Variants in GPR20 observed in about 807,000 individuals in gnomAD.
GPR20 encodes the protein G protein-coupled receptor 20, also known as CTD-3064M3.3.
For synonymous variants in GPR20, 241 were observed against 241.9 expected, an observed-to-expected ratio of 1.00 and a Z score of 0.04; for missense variants, 494 against 527.4, an observed-to-expected ratio of 0.94 and a Z score of 0.62.
At chr8:141,366,493 C>A (rs898725390) in intron 1 of GPR20, among the ~76,000 whole-genome samples, 1 of 152,250 alleles carries the variant, frequency 6.6e-6, no homozygotes, top group Non-Finnish European at 1.5e-5. Context: ...CTTCTCACAG[C>A]GCAGTCCCAG....
intron 1 of GPR20, among the ~76,000 whole-genome samples, chr8:141,363,386 C>G (rs1831767959): frequency 6.6e-6 from 1 of 152,278 alleles, no homozygotes; most frequent in Non-Finnish European, 1.5e-5. Context: ...CAGGACTTCT[C>G]AGAGCCTTTG....
chr8:141,357,885 T>C lies in GPR20; in HGVS notation c.39A>G (p.Ala13=), dbSNP rs1409081091. 8 of 1,595,866 alleles carry C rather than the reference T, an allele frequency of 5.0e-6. No individual in the cohort carries two copies. Among genetic ancestry groups the C allele is most frequent in the Non-Finnish European group, 6.8e-6 (8 of 1,169,170 alleles). Residue 13 remains alanine, a synonymous_variant, in exon 2 of 2, where the codon GCA becomes GCG. Transcript: ENST00000377741. ...SVSPAGPSAG[A]VPNATAVTTV... ...TTGTCACTGCGGTGGCATTGGGGAC[T>C]GCCCCGGCCGAGGGCCCCGCTGGAG...
intron 1 of GPR20, among the ~76,000 whole-genome samples, chr8:141,361,006 G>A (rs1169995337): frequency 6.6e-6 from 1 of 152,228 alleles, no homozygotes; most frequent in African/African-American, 2.4e-5. Flanking sequence ...CCAAACCTGG[G>A]TGTGGGGGAG....
At chr8:141,365,954 G>A (rs535359103) in intron 1 of GPR20, among the ~76,000 whole-genome samples, 1 of 152,190 alleles carries the variant, frequency 6.6e-6, no homozygotes, top group African/African-American at 2.4e-5. Context: ...GTGCCTCAGG[G>A]GCCCTGGCCT....
rs149500874 is a variant in GPR20 at position 141,357,899 on chromosome 8, G to T, written c.25C>A (p.Pro9Thr). 12 of 1,576,354 alleles carry T rather than the reference G, an allele frequency of 7.6e-6. No homozygotes were observed. The African/African-American group carries it at 8.1e-5, about 11-fold the overall frequency. MPSVSPAG[P>T]SAGAVPNATA... ...GCATTGGGGACTGCCCCGGCCGAGGGCCCCGCTGGAGACACAGAGGGCATG... is the reference window on the plus strand; with the variant it reads ...GCATTGGGGACTGCCCCGGCCGAGGTCCCCGCTGGAGACACAGAGGGCATG... The change falls in exon 2 of 2, where the codon CCC becomes ACC. Residue 9 changes from proline to threonine, a missense_variant. Transcript: ENST00000377741.
chr8:141,357,408 G>A lies in GPR20; in HGVS notation c.516C>T (p.Ala172=), dbSNP rs1831664024. The stretch of plus-strand genomic sequence containing the variant: ...CGGCACCGGCGGCCAGCCACACGAA[G>A]GCGCACACGGCCCTGGCACAGGCAG... ...RQPACARAVC[A]FVWLAAGAVT... is the part of the protein sequence containing the mutation. The change falls in exon 2 of 2, where the codon GCC becomes GCT. Residue 172 remains alanine (A), a synonymous_variant. Transcript: ENST00000377741. The A allele has an allele frequency of 6.3e-7, 1 of 1,599,722 alleles. No individual in the cohort carries two copies. The highest frequency in any genetic ancestry group is 8.5e-7 in the Non-Finnish European group (1 of 1,174,942).
Position 141,357,239 on chromosome 8 carries a change from G to A in GPR20, c.685C>T (p.Leu229Phe), listed in dbSNP as rs1185802664. The A allele has an allele frequency of 6.5e-7, 1 of 1,548,832 alleles. No homozygotes were observed. Among genetic ancestry groups the A allele is most frequent in the Non-Finnish European group, 8.7e-7 (1 of 1,150,822 alleles). ...IMCALSRPGL[L>F]HQGRQRRVRA... Reference sequence around the variant, plus strand: ...ACGCGGCGCTGGCGACCCTGGTGGAGCAGACCCGGCCGCGACAGTGCACAC... The same window carrying A: ...ACGCGGCGCTGGCGACCCTGGTGGAACAGACCCGGCCGCGACAGTGCACAC... Residue 229 changes from leucine (L) to phenylalanine (F), a missense_variant, in exon 2 of 2, where the codon CTC becomes TTC. Physicochemically the swap from Leu to Phe is conservative, Grantham distance 22. Transcript: ENST00000377741.
At chr8:141,358,922 G>C (rs1831693446) in intron 1 of GPR20, among the ~76,000 whole-genome samples, 2 of 152,030 alleles carry the variant, frequency 1.3e-5, no homozygotes, top group Non-Finnish European at 2.9e-5. Flanking sequence ...GTGGGGGGCG[G>C]GCGAGGGGCT....
chr8:141,357,165 G>A lies in GPR20; in HGVS notation c.759C>T (p.Cys253=). The change falls in exon 2 of 2, where the codon TGC becomes TGT. Residue 253 remains cysteine (C), a synonymous_variant. Transcript: ENST00000377741. ...CTTGGCGGGCGTGGAAGGGCGTGAA[G>A]CAGACGAGAAAGATGATGAGCACCG... is the stretch of plus-strand genomic sequence containing the variant. The part of the protein sequence containing the change: ...LLTVLIIFLV[C]FTPFHARQVA... 2 of 1,606,974 alleles carry A rather than the reference G, an allele frequency of 1.2e-6. No homozygotes were observed. Among genetic ancestry groups the A allele is most frequent in the Non-Finnish European group, 1.7e-6 (2 of 1,178,690 alleles).
Position 141,357,093 on chromosome 8 carries a change from C to T in GPR20, c.831G>A (p.Val277=), listed in dbSNP as rs1388200602. ...WPDMPHHTSL[V]VYHVAVTLSS... ...TGAGGGTCACGGCCACGTGGTAGAC[C>T]ACGAGGCTCGTGTGGTGTGGCATGT... Residue 277 remains valine, a synonymous_variant, in exon 2 of 2, where the codon GTG becomes GTA. Transcript: ENST00000377741. 1 of 1,612,528 alleles carries T rather than the reference C, an allele frequency of 6.2e-7. No homozygotes were observed. The highest frequency in any genetic ancestry group is 8.5e-7 in the Non-Finnish European group (1 of 1,179,916).
intron 1 of GPR20, among the ~76,000 whole-genome samples, chr8:141,360,259 T>G (rs559033163): frequency 4.6e-5 from 7 of 152,206 alleles, no homozygotes; most frequent in African/African-American, 1.7e-4. Context: ...CAAACAAAGC[T>G]GAACCCTCAT....
chr8:141,366,119 T>C (rs558494839), intron 1 of GPR20, among the ~76,000 whole-genome samples: 1 of 152,314 alleles, frequency 6.6e-6, no homozygotes, highest in Admixed American at 6.5e-5. Flanking sequence ...CCCCGTGGGC[T>C]CCAGGAGCTG....
rs138344493 is a variant in GPR20 at position 141,357,027 on chromosome 8, G to A, written c.897C>T (p.Phe299=). Residue 299 remains phenylalanine, a synonymous_variant, in exon 2 of 2, where the codon TTC becomes TTT. Transcript: ENST00000377741. The stretch of plus-strand genomic sequence containing the variant: ...CGGTGGCCTGGAAGCCACTGGTGAC[G>A]AAGCAGTAGACGATGGGGTCCATGC... ...NSCMDPIVYC[F]VTSGFQATVR... 1.3e-4 allele frequency: 208 copies of A among 1,613,072 alleles called. No individual in the cohort carries two copies. Among genetic ancestry groups the A allele is most frequent in the Middle Eastern group, 9.9e-4 (6 of 6,060 alleles).
At position 141,357,652 on chromosome 8, in the gene GPR20, T is replaced by C; in HGVS notation, c.272A>G (p.Tyr91Cys). The C allele has an allele frequency of 6.2e-7, 1 of 1,613,874 alleles. No individual in the cohort carries two copies. The highest frequency in any genetic ancestry group is 8.5e-7 in the Non-Finnish European group (1 of 1,179,994). Reference protein sequence around the residue: ...RTRAKTPSVIYTINLVVTDLL... With the variant: ...RTRAKTPSVICTINLVVTDLL... Reference sequence around the variant, plus strand: ...ATCGGTCACCACCAGGTTGATGGTGTAGATGACTGAGGGTGTCTTGGCCCG... The same window carrying C: ...ATCGGTCACCACCAGGTTGATGGTGCAGATGACTGAGGGTGTCTTGGCCCG... Residue 91 changes from tyrosine (Y) to cysteine (C), a missense_variant, in exon 2 of 2, where the codon TAC becomes TGC. Physicochemically the swap from Tyr to Cys is radical, Grantham distance 194 (BLOSUM62 -2). Coordinates refer to ENST00000377741, the MANE Select transcript of GPR20 (RefSeq NM_005293.3).
intron 1 of GPR20, among the ~76,000 whole-genome samples, chr8:141,359,742 C>A (rs956398793): frequency 6.6e-5 from 10 of 152,152 alleles, no homozygotes; most frequent in Non-Finnish European, 1.0e-4. Context: ...GGGCTGGGAA[C>A]CTGGCGTCTC....
rs777001390 is a variant in GPR20, at chr8:141,357,879, G to A, written c.45C>T (p.Pro15=). The change falls in exon 2 of 2, where the codon CCC becomes CCT. Residue 15 remains proline, a synonymous_variant. Coordinates refer to ENST00000377741, the MANE Select transcript of GPR20 (RefSeq NM_005293.3). ...SPAGPSAGAV[P]NATAVTTVRT... ...GCACTGTTGTCACTGCGGTGGCATT[G>A]GGGACTGCCCCGGCCGAGGGCCCCG... The A allele has an allele frequency of 1.9e-6, 3 of 1,603,338 alleles. No individual in the cohort carries two copies. Among genetic ancestry groups the A allele is most frequent in the Admixed American group, 3.4e-5 (2 of 59,308 alleles).
chr8:141,362,159 G>T (rs889528710), intron 1 of GPR20, among the ~76,000 whole-genome samples: 1 of 152,164 alleles, frequency 6.6e-6, no homozygotes. Context: ...CACTCCATGC[G>T]CCCTCCAGGC....
intron 1 of GPR20, 99 bp from the exon 2 acceptor site, chr8:141,358,046 A>C: frequency 1.6e-6 from 1 of 634,340 alleles, no homozygotes; most frequent in Non-Finnish European, 2.7e-6. Context: ...CTGCACGCCC[A>C]GCATCCCCCT....
intron 1 of GPR20, among the ~76,000 whole-genome samples, chr8:141,358,333 C>T (rs746431116): frequency 3.3e-4 from 50 of 152,358 alleles, no homozygotes; most frequent in South Asian, 4.1e-4. Flanking sequence ...TGTGCAGTTC[C>T]AGGGCCTGGC....
Sources: allele counts gnomAD v4.1 joint callset (sites outside exome capture counted in the v4.1 genomes callset), GRCh38; gene constraint gnomAD v4.1.1; transcripts MANE v1.5; gene names NCBI Gene and HGNC (gene_info 2026-07-23, HGNC 2026-07-21).